Variants in CHST5 observed in about 807,000 individuals in gnomAD.
The protein encoded by CHST5 is GST4-alpha.
For missense variants in CHST5, 637 were observed against 602.1 expected (o/e 1.06, Z -0.61); for synonymous variants, 313 against 279.2 (o/e 1.12, Z -1.21).
chr16:75,531,627 A>G lies in CHST5; in HGVS notation c.-1243T>C, dbSNP rs1472253844. ...GCAACGCTGATCACAAATCCATGGG[A>G]GATGTCTCGACATCTGGCAAAGCAG... On this transcript the variant is annotated 5_prime_UTR_variant, in exon 4 of 4. Transcript: ENST00000336257. 2 of 1,304,036 alleles carry G rather than the reference A, an allele frequency of 1.5e-6. No individual in the cohort carries two copies. The highest frequency in any genetic ancestry group is 1.0e-6 in the Non-Finnish European group (1 of 988,844). 80.8% of individuals were successfully genotyped at this position (1,304,036 alleles called of 1,614,324 possible).
At chr16:75,534,003 A>G (rs2080543384) in intron 2 of CHST5, among the ~76,000 whole-genome samples, 1 of 136,484 alleles carries the variant, frequency 7.3e-6, no homozygotes, top group Admixed American at 8.3e-5. Context: ...GTGCCATTGC[A>G]CTCTAGCCTG....
Position 75,529,553 on chromosome 16 carries a change from C to A in CHST5, c.832G>T (p.Ala278Ser). 4.4e-6 allele frequency: 7 copies of A among 1,609,018 alleles called. No individual in the cohort carries two copies. Among genetic ancestry groups the A allele is most frequent in the Non-Finnish European group, 5.9e-6 (7 of 1,178,962 alleles). ...CRSHVRIAEAATLKPPPFLRG... is the reference protein window; with the variant it reads ...CRSHVRIAEASTLKPPPFLRG... ...AGGAAGGGTGGCGGCTTGAGTGTGG[C>A]GGCCTCGGCGATGCGCACGTGGCTG... The change falls in exon 4 of 4, where the codon GCC becomes TCC. Residue 278 changes from alanine (A) to serine (S), a missense_variant. By Grantham distance (99) the Ala-to-Ser change is moderately conservative. Coordinates refer to ENST00000336257, the MANE Select transcript of CHST5 (RefSeq NM_024533.5).
chr16:75,533,742 C>T (rs891526667), intron 2 of CHST5, among the ~76,000 whole-genome samples: 7 of 152,002 alleles, frequency 4.6e-5, no homozygotes, highest in African/African-American at 1.7e-4. Flanking sequence ...AGGAAGTCAA[C>T]ATTTGCATTT....
In CHST5 at chr16:75,530,466, C is replaced by A. The variant is rs1233022006; in HGVS notation, c.-82G>T. On this transcript the variant is annotated 5_prime_UTR_variant, in exon 4 of 4. Transcript: ENST00000336257. Reference sequence around the variant, plus strand: ...CCTACCCATTGGACTTCCCAAGACTCCCAAGGTCTCAGTCGAGCACTTTCC... The same window carrying A: ...CCTACCCATTGGACTTCCCAAGACTACCAAGGTCTCAGTCGAGCACTTTCC... 1.4e-6 allele frequency: 2 copies of A among 1,454,810 alleles called. No individual in the cohort carries two copies. The highest frequency in any genetic ancestry group is 2.9e-5 in the African/African-American group (2 of 69,814). 90.1% of individuals were successfully genotyped at this position (1,454,810 alleles called of 1,614,324 possible).
At position 75,528,974 on chromosome 16, in the gene CHST5, C is replaced by G; in HGVS notation, c.*175G>C. On this transcript the variant is annotated 3_prime_UTR_variant, in exon 4 of 4. Coordinates refer to ENST00000336257, the MANE Select transcript of CHST5 (RefSeq NM_024533.5). ...AGCTCCAGAAGACTCAAAGGAAAAC[C>G]GAGAATCAGGAGAGAAAGAAACGTG... 1 of 653,274 alleles carries G rather than the reference C, an allele frequency of 1.5e-6. No homozygotes were observed. The highest frequency in any genetic ancestry group is 2.5e-6 in the Non-Finnish European group (1 of 405,276). 40.5% of individuals were successfully genotyped at this position (653,274 alleles called of 1,614,324 possible).
Position 75,529,124 on chromosome 16 carries a change from G to C in CHST5, c.*25C>G, listed in dbSNP as rs1266597203. On this transcript the variant is annotated 3_prime_UTR_variant, in exon 4 of 4. Transcript: ENST00000336257. ...TCCTGGGCCTGGCGACCACAGTTCG[G>C]GGCCTGCTCTAAGGCCCAGAGTTCT... 3 of 1,535,162 alleles carry C rather than the reference G, an allele frequency of 2.0e-6. No individual in the cohort carries two copies. The highest frequency in any genetic ancestry group is 2.6e-6 in the Non-Finnish European group (3 of 1,141,008).
At chr16:75,532,871 A>T (rs1394830918) in intron 3 of CHST5, among the ~76,000 whole-genome samples, 1 of 152,020 alleles carries the variant, frequency 6.6e-6, no homozygotes, top group Admixed American at 6.6e-5. Context: ...CAGGTGAAAG[A>T]CTCAAGGCTT....
chr16:75,530,135 G>A lies in CHST5; in HGVS notation c.250C>T (p.Gln84Ter), dbSNP rs778927958. Residue 84 changes from glutamine to a stop codon, truncating the protein, a stop_gained, in exon 4 of 4, where the codon CAG (glutamine) becomes TAG (stop). Transcript: ENST00000336257. LOFTEE classifies it low-confidence loss of function (END_TRUNC). ...GSSFLGQLFS[Q>*]HPDVFYLMEP... ...ATCAGGTAGAAGACGTCGGGGTGCT[G>A]GCTGAAGAGCTGGCCCAAGAAGGAT... 15 of 1,613,460 alleles carry A rather than the reference G, an allele frequency of 9.3e-6. No homozygotes were observed. The highest frequency in any genetic ancestry group is 1.2e-5 in the Non-Finnish European group (14 of 1,180,006).
In CHST5 at chr16:75,530,567, G is replaced by C; in HGVS notation, c.-183C>G. On this transcript the variant is annotated 5_prime_UTR_variant, in exon 4 of 4. Transcript: ENST00000336257. ...AGAAGTCCAGTTGCAGAATAATGTG[G>C]GATATCATCAAACTGTCTACCTACC... 2.1e-6 allele frequency: 3 copies of C among 1,430,846 alleles called. No individual in the cohort carries two copies. The South Asian group carries it at 4.8e-5, about 23-fold the overall frequency. The allele number at this position is 1,430,846 out of a possible 1,614,324, so 88.6% of individuals were successfully genotyped here. A position where few individuals can be genotyped will look rare whatever the true frequency, so the allele number is the denominator to read the frequency against.
chr16:75,531,079 A>C lies in CHST5; in HGVS notation c.-695T>G. Reference sequence around the variant, plus strand: ...GGCTCACGCCTGTAATCCCAGCATTATGGGAGGCCGAGGCGGGCGGATCAC... The same window carrying C: ...GGCTCACGCCTGTAATCCCAGCATTCTGGGAGGCCGAGGCGGGCGGATCAC... On this transcript the variant is annotated 5_prime_UTR_variant, in exon 4 of 4. Transcript: ENST00000336257. 1.0e-6 allele frequency: 1 copy of C among 995,012 alleles called. No individual in the cohort carries two copies. The allele number at this position is 995,012 out of a possible 1,614,324, so 61.6% of individuals were successfully genotyped here. A position where few individuals can be genotyped will look rare whatever the true frequency, so the allele number is the denominator to read the frequency against.
chr16:75,531,042 G>C lies in CHST5; in HGVS notation c.-658C>G, dbSNP rs1402219919. 3 of 1,001,048 alleles carry C rather than the reference G, an allele frequency of 3.0e-6. No homozygotes were observed. The highest frequency in any genetic ancestry group is 3.6e-6 in the Non-Finnish European group (3 of 830,848). The allele number at this position is 1,001,048 out of a possible 1,614,324, so 62.0% of individuals were successfully genotyped here. On this transcript the variant is annotated 5_prime_UTR_variant, in exon 4 of 4. Coordinates refer to ENST00000336257, the MANE Select transcript of CHST5 (RefSeq NM_024533.5). ...ACAGGCAGGTATAAAACTTTTGTCA[G>C]CCAGGCGCGGTGGCTCACGCCTGTA...
chr16:75,529,740 G>A lies in CHST5; in HGVS notation c.645C>T (p.Leu215=). 6.2e-7 allele frequency: 1 copy of A among 1,613,214 alleles called. No individual in the cohort carries two copies. The highest frequency in any genetic ancestry group is 8.5e-7 in the Non-Finnish European group (1 of 1,179,792). Residue 215 remains leucine (L), a synonymous_variant, in exon 4 of 4, where the codon CTC becomes CTT. Coordinates refer to ENST00000336257, the MANE Select transcript of CHST5 (RefSeq NM_024533.5). ...GCACCAGGTGCACGATGCGCAGGTT[G>A]AGCGCGGGGTCGCTGAGCAGCGGGT... The part of the protein sequence containing the change: ...VLYPLLSDPA[L]NLRIVHLVRD...
In CHST5 at chr16:75,531,119, G is replaced by C. The variant is rs898821427; in HGVS notation, c.-735C>G. 4.7e-6 allele frequency: 4 copies of C among 856,022 alleles called. No homozygotes were observed. The highest frequency in any genetic ancestry group is 4.3e-6 in the Non-Finnish European group (3 of 700,244). The allele number at this position is 856,022 out of a possible 1,614,324, so 53.0% of individuals were successfully genotyped here. ...GGGCGGATCACGAGGTCAGGAGATC[G>C]AGACCATCCTGGCTAACACAGTGAG... On this transcript the variant is annotated 5_prime_UTR_variant, in exon 4 of 4. Transcript: ENST00000336257.
chr16:75,529,592 G>A lies in CHST5; in HGVS notation c.793C>T (p.Arg265Cys), dbSNP rs1389703147. ...VEADPHLRLI[R>C]EVCRSHVRIA... ...CGCACGTGGCTGCGGCACACCTCGC[G>A]AATCAGGCGCAGGTGAGGGTCGGCC... Residue 265 changes from arginine to cysteine, a missense_variant, in exon 4 of 4, where the codon CGC becomes TGC. Physicochemically the swap from Arg to Cys is radical, Grantham distance 180 (BLOSUM62 -3). Transcript: ENST00000336257. The A allele has an allele frequency of 6.2e-7, 1 of 1,610,194 alleles. No homozygotes were observed. The highest frequency in any genetic ancestry group is 1.3e-5 in the African/African-American group (1 of 74,988).
rs1452641205 is a variant in CHST5, at chr16:75,529,146, T to G, written c.*3A>C. ...TCGGGGCCTGCTCTAAGGCCCAGAGTTCTCAGTCAGGCGATGCCCAGCTGA... is the reference window on the plus strand; with the variant it reads ...TCGGGGCCTGCTCTAAGGCCCAGAGGTCTCAGTCAGGCGATGCCCAGCTGA... On this transcript the variant is annotated 3_prime_UTR_variant, in exon 4 of 4. Coordinates refer to ENST00000336257, the MANE Select transcript of CHST5 (RefSeq NM_024533.5). 1.1e-5 allele frequency: 17 copies of G among 1,564,652 alleles called. No individual in the cohort carries two copies. Among genetic ancestry groups the G allele is most frequent in the Non-Finnish European group, 1.5e-5 (17 of 1,153,088 alleles).
rs1464246441 is a variant in CHST5 at position 75,528,737 on chromosome 16, G to T, written c.*412C>A. On this transcript the variant is annotated 3_prime_UTR_variant, in exon 4 of 4. Coordinates refer to ENST00000336257, the MANE Select transcript of CHST5 (RefSeq NM_024533.5). ...TAATTTTTGCATTTTTAGTAGAGAG[G>T]GGGTTTCACTATGTTGGCCAGGCTG... 6.2e-6 allele frequency: 1 copy of T among 161,102 alleles called. No individual in the cohort carries two copies. The highest frequency in any genetic ancestry group is 1.4e-5 in the Non-Finnish European group (1 of 73,582). The allele number at this position is 161,102 out of a possible 1,614,324, so 10.0% of individuals were successfully genotyped here.
At position 75,530,640 on chromosome 16, in the gene CHST5, G is replaced by T. The variant is rs2080511236; in HGVS notation, c.-256C>A. The T allele has an allele frequency of 2.2e-6, 3 of 1,354,698 alleles. No individual in the cohort carries two copies. The highest frequency in any genetic ancestry group is 2.9e-6 in the Non-Finnish European group (3 of 1,049,328). 83.9% of individuals were successfully genotyped at this position (1,354,698 alleles called of 1,614,324 possible). On this transcript the variant is annotated 5_prime_UTR_variant, in exon 4 of 4. Coordinates refer to ENST00000336257, the MANE Select transcript of CHST5 (RefSeq NM_024533.5). ...CCTACAGGCTATCTATCTGTAGAGA[G>T]AAATACTATGTTTCAAAGAGAACTC...
chr16:75,534,038 CAA>C (rs35062691), intron 2 of CHST5, among the ~76,000 whole-genome samples: 17,636 of 80,652 alleles, frequency 0.22, 1,109 homozygotes, highest in Non-Finnish European at 0.26. Flanking sequence ...AACTCCATAT[CAA>C]AAAAAAAAAA....
In CHST5 at chr16:75,530,394, C is replaced by T; in HGVS notation, c.-10G>A. 1 of 1,513,922 alleles carries T rather than the reference C, an allele frequency of 6.6e-7. No homozygotes were observed. The highest frequency in any genetic ancestry group is 8.9e-7 in the Non-Finnish European group (1 of 1,127,286). 93.8% of individuals were successfully genotyped at this position (1,513,922 alleles called of 1,614,324 possible). On this transcript the variant is annotated 5_prime_UTR_variant, in exon 4 of 4. Coordinates refer to ENST00000336257, the MANE Select transcript of CHST5 (RefSeq NM_024533.5). ...GGGCCCTCATGCCCATCCCATGCCC[C>T]AATTACTGCCCAGTGCCCTCAGGGA... is the stretch of plus-strand genomic sequence containing the variant.
Sources: allele counts gnomAD v4.1 joint callset (sites outside exome capture counted in the v4.1 genomes callset), GRCh38; gene constraint gnomAD v4.1.1; transcripts MANE v1.5; gene names NCBI Gene and HGNC (gene_info 2026-07-23, HGNC 2026-07-21).